Variants in PCDH7 observed in about 807,000 individuals in gnomAD.
PCDH7 encodes the protein protocadherin 7.
Under a neutral mutation model 58.9 loss-of-function variants are expected in PCDH7, and 17 were observed. That is an observed-to-expected ratio of 0.29 (90% CI 0.20 to 0.43). The LOEUF is 0.43. Among genes scored for constraint, PCDH7 ranks in the 20% least tolerant of loss-of-function variants. The probability of loss-of-function intolerance (pLI) is 1.00; values close to 1 mark genes in which losing one functional copy is unlikely to be tolerated. For synonymous variants in PCDH7, 664 were observed against 616.4 expected, an observed-to-expected ratio of 1.08 and a Z score of -1.14; for missense variants, 1,274 against 1,441.0, an observed-to-expected ratio of 0.88 and a Z score of 1.88.
intron 1 of PCDH7, among the ~76,000 whole-genome samples, chr4:30,807,026 T>C (rs1726306855): frequency 6.6e-6 from 1 of 152,184 alleles, no homozygotes; most frequent in Non-Finnish European, 1.5e-5. Context: ...ATGGTAAGCA[T>C]CTCCAGCCAT....
chr4:30,901,819 A>G (rs1351566128), intron 1 of PCDH7, among the ~76,000 whole-genome samples: 1 of 152,064 alleles, frequency 6.6e-6, no homozygotes, highest in Non-Finnish European at 1.5e-5. Flanking sequence ...AGTTCTACCG[A>G]CCTTTACTTT....
chr4:30,814,927 C>T (rs560533142), intron 1 of PCDH7, among the ~76,000 whole-genome samples: 1 of 151,788 alleles, frequency 6.6e-6, no homozygotes, highest in South Asian at 2.1e-4. Flanking sequence ...TTATGTTTGA[C>T]GTGATGGGAA....
intron 1 of PCDH7, among the ~76,000 whole-genome samples, chr4:30,840,766 T>C (rs1475330738): frequency 9.9e-5 from 15 of 152,226 alleles, no homozygotes; most frequent in Admixed American, 8.5e-4. Context: ...AGCCTCCCAG[T>C]GTAGACCCAG....
chr4:31,098,512 A>G (rs557308614), intron 3 of PCDH7, among the ~76,000 whole-genome samples: 10 of 152,338 alleles, frequency 6.6e-5, no homozygotes, highest in African/African-American at 2.4e-4. Flanking sequence ...GATCGTTGCT[A>G]CAAATGGTGG....
intron 1 of PCDH7, among the ~76,000 whole-genome samples, chr4:30,828,671 T>C (rs1471402038): frequency 6.6e-6 from 1 of 152,102 alleles, no homozygotes. Context: ...TCCGAGAGCA[T>C]GGTTCTCTGG....
chr4:31,050,187 C>A (rs180849592), intron 3 of PCDH7, among the ~76,000 whole-genome samples: 1 of 152,050 alleles, frequency 6.6e-6, no homozygotes, highest in Admixed American at 6.6e-5. Context: ...AGAAGAGTAC[C>A]CTCAGGCAGG....
At chr4:30,829,456 T>TA (rs1040555733) in intron 1 of PCDH7, among the ~76,000 whole-genome samples, 2 of 152,046 alleles carry the variant, frequency 1.3e-5, no homozygotes, top group African/African-American at 4.8e-5. Flanking sequence ...TTAGAAATTT[T>TA]ACCCCCCAAG....
chr4:30,753,665 T>A (rs897361069), intron 1 of PCDH7, among the ~76,000 whole-genome samples: 1 of 152,216 alleles, frequency 6.6e-6, no homozygotes, highest in African/African-American at 2.4e-5. Context: ...TAAATATTTA[T>A]TAAACCCCTT....
At chr4:30,937,177 A>T (rs993192842) in intron 2 of PCDH7, among the ~76,000 whole-genome samples, 3 of 152,160 alleles carry the variant, frequency 2.0e-5, no homozygotes, top group Non-Finnish European at 2.9e-5. Flanking sequence ...TATATTAAAT[A>T]ATTTATTTAA....
intron 1 of PCDH7, among the ~76,000 whole-genome samples, chr4:30,811,553 C>T (rs913887110): frequency 5.3e-5 from 8 of 152,136 alleles, no homozygotes; most frequent in East Asian, 1.9e-4. Flanking sequence ...AGGGAAGCAA[C>T]TGGGCAGGAC....
chr4:30,981,974 G>T (rs964834312), intron 3 of PCDH7, among the ~76,000 whole-genome samples: 20 of 152,244 alleles, frequency 1.3e-4, no homozygotes, highest in African/African-American at 4.6e-4. Flanking sequence ...GGAGGAATAA[G>T]TTCAAGAGTT....
chr4:30,737,790 C>A (rs1209343758), downstream of PCDH7, among the ~76,000 whole-genome samples: 1 of 152,108 alleles, frequency 6.6e-6, no homozygotes, highest in Admixed American at 6.6e-5. Flanking sequence ...GAAAAACTCA[C>A]AATAGTTTGA....
At chr4:30,876,520 G>A (rs1736307866) in intron 1 of PCDH7, among the ~76,000 whole-genome samples, 1 of 151,968 alleles carries the variant, frequency 6.6e-6, no homozygotes. Flanking sequence ...TCATTTGGAA[G>A]GATACTTTGT....
intron 3 of PCDH7, among the ~76,000 whole-genome samples, chr4:30,952,188 T>C (rs1272268144): frequency 1.3e-5 from 2 of 152,082 alleles, no homozygotes; most frequent in Non-Finnish European, 2.9e-5. Flanking sequence ...TATAAAATAA[T>C]TTCATCCCCA....
chr4:30,842,817 G>T (rs779276932), intron 1 of PCDH7, among the ~76,000 whole-genome samples: 13 of 152,166 alleles, frequency 8.5e-5, no homozygotes, highest in Non-Finnish European at 1.8e-4. Flanking sequence ...GGAACCACGA[G>T]AGGGACAGCA....
chr4:31,054,818 C>T (rs112401668), intron 3 of PCDH7, among the ~76,000 whole-genome samples: 5,668 of 152,098 alleles, frequency 0.037, 373 homozygotes, highest in African/African-American at 0.13. Flanking sequence ...AAGTTGTCTG[C>T]AGGTTTATTT....
intron 1 of PCDH7, among the ~76,000 whole-genome samples, chr4:30,839,139 G>T (rs1455239988): frequency 6.6e-6 from 1 of 151,448 alleles, no homozygotes; most frequent in Non-Finnish European, 1.5e-5. Flanking sequence ...AATCACAATT[G>T]CTATATATAA....
At chr4:31,043,569 C>A (rs935530431) in intron 3 of PCDH7, among the ~76,000 whole-genome samples, 11 of 152,142 alleles carry the variant, frequency 7.2e-5, no homozygotes, top group Non-Finnish European at 1.3e-4. Context: ...TTGTTGGCTG[C>A]ATGAATGTCT....
At chr4:30,826,827 G>A (rs1042372940) in intron 1 of PCDH7, among the ~76,000 whole-genome samples, 2 of 152,072 alleles carry the variant, frequency 1.3e-5, no homozygotes, top group Non-Finnish European at 2.9e-5. Context: ...CGGGGATTAA[G>A]CAATCCTCCT....
Sources: allele counts gnomAD v4.1 joint callset (sites outside exome capture counted in the v4.1 genomes callset), GRCh38; gene constraint gnomAD v4.1.1; transcripts MANE v1.5; gene names NCBI Gene and HGNC (gene_info 2026-07-23, HGNC 2026-07-21).